Variants in OLA1 observed in about 807,000 individuals in gnomAD.
The protein encoded by OLA1 is Obg like ATPase 1.
A neutral mutation model predicts 48.4 loss-of-function variants in OLA1; 14 were observed. That is an observed-to-expected ratio of 0.29 (90% confidence interval 0.19 to 0.45). The LOEUF (loss-of-function observed/expected upper bound fraction) is 0.45. Among genes scored for constraint, OLA1 ranks in the 20% least tolerant of loss-of-function variants. The probability of loss-of-function intolerance (pLI) is 1.00; values close to 1 mark genes in which losing one functional copy is unlikely to be tolerated. For synonymous variants in OLA1, 127 were observed against 150.4 expected, an observed-to-expected ratio of 0.84 and a Z score of 1.14; for missense variants, 325 against 467.1, an observed-to-expected ratio of 0.70 and a Z score of 2.80.
At chr2:174,168,200 A>G (rs1331938009) in intron 4 of OLA1, among the ~76,000 whole-genome samples, 2 of 152,222 alleles carry the variant, frequency 1.3e-5, no homozygotes, top group Non-Finnish European at 2.9e-5. Flanking sequence ...GCGATGGAAG[A>G]ATGCAAAGGG....
rs898863880 is a variant in OLA1 at position 174,204,658 on chromosome 2, T to C, written c.373+18375A>G. Among the ~76,000 whole-genome samples the C allele has an allele frequency of 4.6e-5, 7 of 152,082 alleles. 1 individual carries two copies. The highest frequency in any genetic ancestry group is 6.3e-3 in the Middle Eastern group (2 of 316). ...GATAAATCGTACACCATTGAGACAA[T>C]GAAATATTATTCCTTCACTAAAGCT... On this transcript the variant is annotated intron_variant, in intron 4 of 10. Transcript: ENST00000284719.
At chr2:174,122,949 T>C (rs1441777807) in intron 7 of OLA1, among the ~76,000 whole-genome samples, 2 of 152,198 alleles carry the variant, frequency 1.3e-5, no homozygotes, top group Non-Finnish European at 1.5e-5. Flanking sequence ...AGTAAATGTA[T>C]ATAATTCAAT....
intron 3 of OLA1, 136 bp from the exon 4 acceptor site, chr2:174,223,296 T>G: frequency 1.3e-6 from 1 of 794,228 alleles, no homozygotes; most frequent in Non-Finnish European, 1.9e-6. Context: ...TAAATGAATA[T>G]CCACCCCTCC....
intron 2 of OLA1, among the ~76,000 whole-genome samples, chr2:174,230,462 C>T (rs1263933689): frequency 6.6e-6 from 1 of 152,102 alleles, no homozygotes; most frequent in African/African-American, 2.4e-5. Context: ...CTTAGAATAG[C>T]ACCATTCTGC....
intron 4 of OLA1, among the ~76,000 whole-genome samples, chr2:174,214,128 T>G (rs1339451591): frequency 6.6e-6 from 1 of 151,588 alleles, no homozygotes. Flanking sequence ...AGGTCAGGAG[T>G]TGGAGACTAG....
intron 7 of OLA1, among the ~76,000 whole-genome samples, chr2:174,109,381 TTAA>T (rs1311140121): frequency 6.6e-6 from 1 of 152,142 alleles, no homozygotes; most frequent in African/African-American, 2.4e-5. Context: ...CATATTTTAC[TTAA>T]TAATAGATTT....
chr2:174,233,668 C>A lies in OLA1; in HGVS notation c.102-4217G>T, dbSNP rs1376691715. Among the ~76,000 whole-genome samples the A allele has an allele frequency of 2.0e-5, 3 of 152,168 alleles. No individual in the cohort carries two copies. In the East Asian group the frequency reaches 5.8e-4, roughly 29 times the overall value. On this transcript the variant is annotated intron_variant, in intron 2 of 10. Transcript: ENST00000284719. ...AGGATTATAGGCGTGAGCCACTGTG[C>A]GTGGCCATATATTATGTGTTTATTA...
At chr2:174,151,758 C>G (rs554944391) in intron 4 of OLA1, among the ~76,000 whole-genome samples, 1 of 152,210 alleles carries the variant, frequency 6.6e-6, no homozygotes, top group South Asian at 2.1e-4. Flanking sequence ...CATTTAATAT[C>G]TATAGTTTTA....
At position 174,141,940 on chromosome 2, in the gene OLA1, A is replaced by G. The variant is rs1056989682; in HGVS notation, c.434T>C (p.Ile145Thr). The change falls in exon 5 of 11, where the codon ATA (isoleucine) becomes ACA (threonine). Residue 145 changes from isoleucine to threonine, a missense_variant. Coordinates refer to ENST00000284719, the MANE Select transcript of OLA1 (RefSeq NM_013341.5). ...CTGAAGCTCTTCATGTATTATTTCT[A>G]TATCTCGAATAGGATCTACACTTCC... ...VEGSVDPIRD[I>T]EIIHEELQLK... 11 of 1,599,706 alleles carry G rather than the reference A, an allele frequency of 6.9e-6. No homozygotes were observed. The highest frequency in any genetic ancestry group is 5.6e-5 in the African/African-American group (4 of 71,958).
rs188646820 is a variant in OLA1, at chr2:174,205,594, T to C, written c.373+17439A>G. On this transcript the variant is annotated intron_variant, in intron 4 of 10. Coordinates refer to ENST00000284719, the MANE Select transcript of OLA1 (RefSeq NM_013341.5). ...GACCTAACCCCTTACCTGTGAGAAA[T>C]ACAAACAAAATATCTAAATCTCTGC... 3.6e-3 allele frequency among the ~76,000 whole-genome samples: 543 copies of C among 152,246 alleles called. 6 individuals carry two copies. The highest frequency in any genetic ancestry group is 3.3e-3 in the Non-Finnish European group (222 of 68,024).
chr2:174,099,888 A>C (rs1017487104), intron 7 of OLA1, among the ~76,000 whole-genome samples: 1 of 152,200 alleles, frequency 6.6e-6, no homozygotes, highest in African/African-American at 2.4e-5. Context: ...ATCTTCTAAT[A>C]ATTAGTCTAA....
At chr2:174,180,744 T>A (rs1161676994) in intron 4 of OLA1, among the ~76,000 whole-genome samples, 1 of 152,174 alleles carries the variant, frequency 6.6e-6, no homozygotes, top group Non-Finnish European at 1.5e-5. Flanking sequence ...GCATATATCA[T>A]TTGGTCCTGG....
Position 174,237,667 on chromosome 2 carries a change from T to C in OLA1, c.102-8216A>G, listed in dbSNP as rs371599055. On this transcript the variant is annotated intron_variant, in intron 2 of 10. Transcript: ENST00000284719. ...TACTCAGGTGGCTGAGGCAGGAGGA[T>C]TGCTTGAGCCCAGGAGCTCTAGGCT... is the stretch of plus-strand genomic sequence containing the variant. Among the ~76,000 whole-genome samples, 97 of 152,262 alleles carry C rather than the reference T, an allele frequency of 6.4e-4. 2 individuals are homozygous for C. In the South Asian group the frequency reaches 0.018, roughly 29 times the overall value.
chr2:174,220,940 T>C (rs1688486146), intron 4 of OLA1, among the ~76,000 whole-genome samples: 1 of 152,194 alleles, frequency 6.6e-6, no homozygotes, highest in African/African-American at 2.4e-5. Flanking sequence ...CTGTTGAAAT[T>C]AAAGAATTAT....
chr2:174,166,127 A>T (rs953929428), intron 4 of OLA1, among the ~76,000 whole-genome samples: 4 of 151,982 alleles, frequency 2.6e-5, no homozygotes, highest in African/African-American at 9.7e-5. Flanking sequence ...TCCATTAAAA[A>T]AAAAAAAAAA....
chr2:174,144,044 C>T (rs6433464), intron 4 of OLA1, among the ~76,000 whole-genome samples: 81,926 of 151,934 alleles, frequency 0.54, 22,749 homozygotes, highest in East Asian at 0.94. Flanking sequence ...TGAGCTGTAA[C>T]AAGCCATGAT....
intron 4 of OLA1, among the ~76,000 whole-genome samples, chr2:174,181,065 A>G (rs1687522110): frequency 6.6e-6 from 1 of 152,220 alleles, no homozygotes; most frequent in South Asian, 2.1e-4. Context: ...TTCAACAAAT[A>G]TTGAAGAGCA....
chr2:174,168,689 AGAG>A (rs1376713626), intron 4 of OLA1, among the ~76,000 whole-genome samples: 1 of 152,078 alleles, frequency 6.6e-6, no homozygotes, highest in South Asian at 2.1e-4. Flanking sequence ...AGAAGGAAGA[AGAG>A]AAGAAGAAAG....
intron 4 of OLA1, among the ~76,000 whole-genome samples, chr2:174,173,268 G>A (rs565472705): frequency 1.7e-4 from 26 of 152,142 alleles, no homozygotes; most frequent in Non-Finnish European, 2.5e-4. Context: ...AAGAAGAAAT[G>A]ATTATAAAAT....
Sources: gnomAD v4.1 joint callset for allele counts (sites outside exome capture counted in the v4.1 genomes callset) on GRCh38, gnomAD v4.1.1 for gene constraint, MANE v1.5 for transcripts, NCBI Gene and HGNC (gene_info 2026-07-23, HGNC 2026-07-21) for gene names.